The following PIK3C2G variants were observed in gnomAD, a reference collection of about 807,000 sequenced individuals.
PIK3C2G encodes the protein phosphatidylinositol-4-phosphate 3-kinase catalytic subunit type 2 gamma.
In PIK3C2G, 168 loss-of-function variants were observed where a neutral mutation model predicts 181.1. That is an observed-to-expected ratio of 0.93 (90% CI 0.82 to 1.05). The LOEUF is 1.05. Ranked by LOEUF, PIK3C2G falls within the 50% of genes least tolerant of loss-of-function variation. The pLI is 0.00. For missense variants in PIK3C2G, 1,869 were observed against 1,732.8 expected, an observed-to-expected ratio of 1.08 and a Z score of -1.40; for synonymous variants, 573 against 592.2, an observed-to-expected ratio of 0.97 and a Z score of 0.47.
chr12:18,686,025 T>A, the PIK3C2G span, among the ~76,000 whole-genome samples: 3 of 152,144 alleles, frequency 2.0e-5, no homozygotes, highest in East Asian at 5.8e-4. Flanking sequence ...ATCCAAATGT[T>A]ATCCTTTTCC....
At chr12:18,715,681 T>C in the PIK3C2G span, 2 of 152,280 alleles carry the variant, frequency 1.3e-5, no homozygotes, top group African/African-American at 4.8e-5. Flanking sequence ...GTTGTTGTTT[T>C]TAAGATGGGG....
intron 30 of PIK3C2G, among the ~76,000 whole-genome samples, chr12:18,605,601 A>G (rs1443077916): frequency 1.3e-5 from 2 of 152,150 alleles, no homozygotes; most frequent in Non-Finnish European, 2.9e-5. Context: ...ACAGACCTAT[A>G]TCCTTGATGA....
chr12:18,483,069 C>A (rs1939713245), intron 18 of PIK3C2G, among the ~76,000 whole-genome samples: 1 of 152,158 alleles, frequency 6.6e-6, no homozygotes, highest in Non-Finnish European at 1.5e-5. Context: ...TCCAGAGCAA[C>A]AAGGGAAAGT....
At chr12:18,685,720 A>G in the PIK3C2G span, 42 of 491,366 alleles carry the variant, frequency 8.5e-5, no homozygotes, top group African/African-American at 7.4e-4. Flanking sequence ...CTTTATAGAT[A>G]CTGCAAAACA....
At chr12:18,399,190 G>A (rs1414072580) in intron 15 of PIK3C2G, among the ~76,000 whole-genome samples, 13 of 105,906 alleles carry the variant, frequency 1.2e-4, no homozygotes, top group Non-Finnish European at 2.6e-4. Flanking sequence ...GCGAGACTCC[G>A]TCTCAAAAAA....
chr12:18,442,707 A>G (rs1438453851), intron 18 of PIK3C2G, among the ~76,000 whole-genome samples: 5 of 152,172 alleles, frequency 3.3e-5, no homozygotes, highest in Non-Finnish European at 7.4e-5. Flanking sequence ...ATAACATTAT[A>G]ATTCTTCAGA....
At chr12:18,355,460 T>C (rs1940636340) in intron 11 of PIK3C2G, among the ~76,000 whole-genome samples, 1 of 152,182 alleles carries the variant, frequency 6.6e-6, no homozygotes, top group Non-Finnish European at 1.5e-5. Flanking sequence ...TCATTGTATC[T>C]CTCCCCTAGT....
chr12:18,270,115 C>T (rs997405831), intron 1 of PIK3C2G, among the ~76,000 whole-genome samples: 13 of 151,504 alleles, frequency 8.6e-5, no homozygotes, highest in African/African-American at 1.5e-4. Flanking sequence ...TCACCACGTT[C>T]GTCAGGCTAG....
chr12:18,620,568 A>AGATAGATAGATAGATAGATG (rs201479764), intron 31 of PIK3C2G, among the ~76,000 whole-genome samples: 75 of 151,440 alleles, frequency 5.0e-4, no homozygotes, highest in African/African-American at 1.8e-3. Flanking sequence ...ATAGATAGAT[A>AGATAGATAGATAGATAGATG]GGTAACCATA....
chr12:18,349,371 T>A (rs913540280), intron 11 of PIK3C2G, among the ~76,000 whole-genome samples: 10 of 152,092 alleles, frequency 6.6e-5, no homozygotes, highest in African/African-American at 2.4e-4. Flanking sequence ...AGGACCATAA[T>A]TAATGTCAGC....
intron 24 of PIK3C2G, among the ~76,000 whole-genome samples, chr12:18,535,489 T>G (rs1237848438): frequency 6.6e-6 from 1 of 152,072 alleles, no homozygotes; most frequent in Non-Finnish European, 1.5e-5. Flanking sequence ...ATGGTGACTA[T>G]GGACAAAAGA....
chr12:18,585,969 A>AG (rs1173269038), intron 29 of PIK3C2G, among the ~76,000 whole-genome samples: 1 of 152,208 alleles, frequency 6.6e-6, no homozygotes, highest in Non-Finnish European at 1.5e-5. Context: ...AATGAAATTA[A>AG]GGCAGAAATC....
At chr12:18,550,166 A>G (rs1010852916) in intron 26 of PIK3C2G, among the ~76,000 whole-genome samples, 1 of 152,070 alleles carries the variant, frequency 6.6e-6, no homozygotes, top group Non-Finnish European at 1.5e-5. Context: ...ACTATGAACA[A>G]TCTCTTACAG....
At chr12:18,495,929 T>C in intron 20 of PIK3C2G, 133 bp from the exon 21 acceptor site, 1 of 498,414 alleles carries the variant, frequency 2.0e-6, no homozygotes, top group Non-Finnish European at 3.5e-6. Context: ...GTATAAAAAT[T>C]ATTCATATGT....
At chr12:18,439,297 A>G (rs181196217) in intron 18 of PIK3C2G, among the ~76,000 whole-genome samples, 2 of 151,980 alleles carry the variant, frequency 1.3e-5, no homozygotes, top group African/African-American at 4.8e-5. Context: ...AAAGTCACAG[A>G]TCGCCAGTTG....
intron 8 of PIK3C2G, among the ~76,000 whole-genome samples, chr12:18,332,763 C>T (rs1335759815): frequency 1.3e-5 from 2 of 152,246 alleles, no homozygotes; most frequent in East Asian, 1.9e-4. Context: ...TGCTCCTCCT[C>T]GTGCAGCTTA....
At chr12:18,284,339 T>A (rs1949351389) in intron 2 of PIK3C2G, among the ~76,000 whole-genome samples, 1 of 151,950 alleles carries the variant, frequency 6.6e-6, no homozygotes, top group South Asian at 2.1e-4. Context: ...CCAAAATAGA[T>A]GTGGCCTAAC....
Position 18,320,994 on chromosome 12 carries a change from T to C in PIK3C2G, c.1170T>C (p.Asn390=), listed in dbSNP as rs12309666. 164,337 of 1,564,082 alleles carry C rather than the reference T, an allele frequency of 0.11. 13,969 individuals carry two copies. The highest frequency in any genetic ancestry group is 0.41 in the African/African-American group (29,590 of 72,854). Reference sequence around the variant, plus strand: ...AGGACCACAGTCAGTTTTATCTGAATCAACTTCTAGAATTTATGCATATTT... The same window carrying C: ...AGGACCACAGTCAGTTTTATCTGAACCAACTTCTAGAATTTATGCATATTT... ...HEEDHSQFYL[N]QLLEFMHIWK... The change falls in exon 7 of 33, where the codon AAT becomes AAC. Residue 390 remains asparagine, a synonymous_variant. Coordinates refer to ENST00000538779, the MANE Select transcript of PIK3C2G (RefSeq NM_001288772.2).
chr12:18,346,524 G>A, intron 10 of PIK3C2G, 117 bp from the exon 11 acceptor site: 1 of 601,380 alleles, frequency 1.7e-6, no homozygotes, highest in Non-Finnish European at 2.8e-6. Flanking sequence ...ATTGGTAAAG[G>A]GTCACTTTAA....
Sources: gnomAD v4.1 joint callset for allele counts (sites outside exome capture counted in the v4.1 genomes callset) on GRCh38, gnomAD v4.1.1 for gene constraint, MANE v1.5 for transcripts, NCBI Gene and HGNC (gene_info 2026-07-23, HGNC 2026-07-21) for gene names.